SMARCA2: variants seen among roughly 807,000 people sequenced by gnomAD.
SMARCA2 encodes SWI/SNF-related matrix-associated actin-dependent regulator of chromatin subfamily A member 2.
Under a neutral mutation model 199.8 loss-of-function variants are expected in SMARCA2, and 61 were observed. That is an observed-to-expected ratio of 0.31 (90% CI 0.25 to 0.38). The LOEUF (loss-of-function observed/expected upper bound fraction) is 0.38, where lower values mean the gene tolerates loss of function less well. Among genes scored for constraint, SMARCA2 ranks in the 10% least tolerant of loss-of-function variants. The pLI, the probability that SMARCA2 is intolerant of heterozygous loss-of-function variation, is 1.00. For missense variants in SMARCA2, 1,344 were observed against 2,012.2 expected (o/e 0.67, Z 6.35); for synonymous variants, 935 against 732.0 (o/e 1.28, Z -4.48).
At chr9:2,166,376 A>G (rs115026323) in intron 28 of SMARCA2, among the ~76,000 whole-genome samples, 367 of 152,280 alleles carry the variant, frequency 2.4e-3, no homozygotes, top group African/African-American at 8.7e-3. Flanking sequence ...CAACCTTGAC[A>G]CAGAGTTAAC....
intron 33 of SMARCA2, chr9:2,191,677 C>T (rs1827896316): frequency 3.3e-6 from 1 of 302,588 alleles, no homozygotes; most frequent in African/African-American, 2.2e-5. Context: ...AATCTTCCCA[C>T]ATGCTTTCTT....
chr9:2,126,408 C>G (rs569737109), intron 27 of SMARCA2, among the ~76,000 whole-genome samples: 1 of 152,344 alleles, frequency 6.6e-6, no homozygotes, highest in East Asian at 1.9e-4. Context: ...GCAACATGCC[C>G]CATGGCCTAA....
chr9:2,160,624 T>A (rs939690320), intron 27 of SMARCA2: 1 of 702,394 alleles, frequency 1.4e-6, no homozygotes, highest in Admixed American at 2.0e-5. Context: ...ATGAAGGTAA[T>A]TGCCTTATGA....
chr9:2,176,271 T>G (rs532167329), intron 29 of SMARCA2, among the ~76,000 whole-genome samples: 119 of 151,810 alleles, frequency 7.8e-4, no homozygotes, highest in Non-Finnish European at 1.5e-3. Context: ...TTCTATTACT[T>G]GTTCTTTCCA....
At chr9:2,089,732 G>A (rs957563576) in intron 19 of SMARCA2, among the ~76,000 whole-genome samples, 1 of 152,164 alleles carries the variant, frequency 6.6e-6, no homozygotes, top group African/African-American at 2.4e-5. Flanking sequence ...TGGCCTCTGG[G>A]TAGCACCCTT....
intron 25 of SMARCA2, among the ~76,000 whole-genome samples, chr9:2,117,853 A>AG (rs1404390204): frequency 6.6e-6 from 1 of 152,130 alleles, no homozygotes; most frequent in Non-Finnish European, 1.5e-5. Context: ...TGCCGTTTTC[A>AG]GGGGGGCTTG....
chr9:2,120,530 A>G (rs1181768647), intron 26 of SMARCA2, among the ~76,000 whole-genome samples: 1 of 152,206 alleles, frequency 6.6e-6, no homozygotes, highest in African/African-American at 2.4e-5. Flanking sequence ...CATGCCAAAC[A>G]AAACACAACT....
chr9:2,075,526 C>G (rs1016747855), intron 12 of SMARCA2: 1 of 152,280 alleles, frequency 6.6e-6, no homozygotes, highest in African/African-American at 2.4e-5. Flanking sequence ...AATCTCAGTA[C>G]TCTGCAATGT....
chr9:2,161,536 C>T lies in SMARCA2; in HGVS notation c.3982-150C>T. The T allele has an allele frequency of 1.7e-6, 1 of 600,090 alleles. No individual in the cohort carries two copies. The highest frequency in any genetic ancestry group is 2.8e-5 in the East Asian group (1 of 36,078). 37.2% of individuals were successfully genotyped at this position (600,090 alleles called of 1,614,324 possible). A position where few individuals can be genotyped will look rare whatever the true frequency, so the allele number is the denominator to read the frequency against. ...TGGTAGCATTCCTTTTTTCTTCTTC[C>T]TCCACTGATTACTGTTAACTTTTAC... On this transcript the variant is annotated intron_variant, in intron 27 of 33. Coordinates refer to ENST00000349721, the MANE Select transcript of SMARCA2 (RefSeq NM_003070.5). The surrounding 1 kb of genome is among the most constrained non-coding windows in gnomAD (Gnocchi z 4.7).
intron 27 of SMARCA2, among the ~76,000 whole-genome samples, chr9:2,155,339 G>C (rs1825296391): frequency 6.6e-6 from 1 of 151,958 alleles, no homozygotes; most frequent in South Asian, 2.1e-4. Context: ...CTGGAGTGCA[G>C]TGGGGCAATC....
intron 29 of SMARCA2, among the ~76,000 whole-genome samples, chr9:2,172,418 C>T (rs1373520952): frequency 6.9e-5 from 9 of 130,038 alleles, no homozygotes; most frequent in South Asian, 4.8e-4. Context: ...CTCAAACAGA[C>T]GGGTGAAGGG....
intron 3 of SMARCA2, 196 bp downstream of exon 3, chr9:2,033,277 A>T: frequency 1.8e-6 from 1 of 544,648 alleles, no homozygotes. Flanking sequence ...TTATTTCCGA[A>T]GTCCTAGTAA....
In SMARCA2 at chr9:2,182,209, C is replaced by A; in HGVS notation, c.4428C>A (p.His1476Gln). The part of the protein sequence containing the change: ...DLEKDVMLLC[H>Q]NAQTFNLEGS... Reference sequence around the variant, plus strand: ...AGAAGGATGTCATGCTTCTCTGTCACAACGCTCAGACGTTCAACCTGGAGG... The same window carrying A: ...AGAAGGATGTCATGCTTCTCTGTCAAAACGCTCAGACGTTCAACCTGGAGG... Residue 1476 changes from histidine (H) to glutamine (Q), a missense_variant, in exon 31 of 34, where the codon CAC (histidine) becomes CAA (glutamine). This residue lies in a region of SMARCA2 where 151 missense variants were observed against 154.0 expected (regional missense o/e 0.98). Transcript: ENST00000349721. The A allele has an allele frequency of 1.2e-6, 2 of 1,613,618 alleles. No individual in the cohort carries two copies. The highest frequency in any genetic ancestry group is 1.1e-5 in the South Asian group (1 of 91,070).
rs989504295 is a variant in SMARCA2, at chr9:2,039,694, G to C, written c.584G>C (p.Gly195Ala). The C allele has an allele frequency of 1.2e-6, 2 of 1,613,908 alleles. No homozygotes were observed. The highest frequency in any genetic ancestry group is 1.7e-6 in the Non-Finnish European group (2 of 1,180,038). Residue 195 changes from glycine to alanine, a missense_variant, in exon 4 of 34, where the codon GGC becomes GCC. Physicochemically the swap from Gly to Ala is moderately conservative, Grantham distance 60. Coordinates refer to ENST00000349721, the MANE Select transcript of SMARCA2 (RefSeq NM_003070.5). This position sits in a 1 kb window ranked among gnomAD's most constrained non-coding sequence, Gnocchi z 4.8. Reference protein sequence around the residue: ...QILAYKMLARGQPLPETLQLA... With the variant: ...QILAYKMLARAQPLPETLQLA... ...TTAGCTTATAAAATGCTGGCCCGAG[G>C]CCAGCCCCTCCCCGAAACGCTGCAG... is the stretch of plus-strand genomic sequence containing the variant.
intron 27 of SMARCA2, among the ~76,000 whole-genome samples, chr9:2,134,044 A>C (rs1230203880): frequency 6.6e-6 from 1 of 152,228 alleles, no homozygotes; most frequent in East Asian, 1.9e-4. Flanking sequence ...GTAACATAGA[A>C]TCTGGCATAT....
rs371659279 is a variant in SMARCA2, at chr9:2,123,558, C to G, written c.3763-161C>G. 1.2e-4 allele frequency among the ~76,000 whole-genome samples: 19 copies of G among 152,180 alleles called. No homozygotes were observed. In the East Asian group the frequency reaches 1.7e-3, roughly 14 times the overall value. On this transcript the variant is annotated intron_variant, in intron 26 of 33. Transcript: ENST00000349721. The surrounding 1 kb of genome is among the most constrained non-coding windows in gnomAD (Gnocchi z 4.1). ...GGATTTTACTTAATGGAATCTCTCC[C>G]TAGATATTTAGGGATGAGCTAGAAC...
intron 17 of SMARCA2, among the ~76,000 whole-genome samples, chr9:2,084,702 GT>G (rs1353024881): frequency 6.6e-6 from 1 of 151,962 alleles, no homozygotes; most frequent in African/African-American, 2.4e-5. Flanking sequence ...CTTGTTTCAG[GT>G]TTTTCCTGGT....
At chr9:2,147,016 G>A (rs771580202) in intron 27 of SMARCA2, among the ~76,000 whole-genome samples, 28 of 152,102 alleles carry the variant, frequency 1.8e-4, no homozygotes, top group Non-Finnish European at 3.5e-4. Flanking sequence ...ATTTTACATA[G>A]CCCCTATTCA....
chr9:2,191,082 G>A (rs1226823844), intron 32 of SMARCA2, among the ~76,000 whole-genome samples, 184 bp from the exon 33 acceptor site: 2 of 152,154 alleles, frequency 1.3e-5, no homozygotes, highest in African/African-American at 2.4e-5. Flanking sequence ...TCCAAAAGAA[G>A]ACAGGTTGGC....
Sources: allele counts gnomAD v4.1 joint callset (sites outside exome capture counted in the v4.1 genomes callset), GRCh38; gene constraint gnomAD v4.1.1; regional missense constraint gnomAD v4.1.1; non-coding constraint Gnocchi (gnomAD v3.1); transcripts MANE v1.5; gene names NCBI Gene and HGNC (gene_info 2026-07-23, HGNC 2026-07-21).